PKN2: variants seen among roughly 807,000 people sequenced by gnomAD.
The protein encoded by PKN2 is protein kinase N2.
In PKN2, 38 loss-of-function variants were observed where a neutral mutation model predicts 119.1. That is an observed-to-expected ratio of 0.32 (90% CI 0.25 to 0.42). The LOEUF is 0.42. Ranked by LOEUF, PKN2 falls within the 10% of genes least tolerant of loss-of-function variation. The pLI is 1.00. For synonymous variants in PKN2, 390 were observed against 384.9 expected (o/e 1.01, Z -0.15); for missense variants, 850 against 1,165.1 (o/e 0.73, Z 3.94).
intron 7 of PKN2, 89 bp downstream of exon 7, chr1:88,784,913 T>C: frequency 1.6e-6 from 1 of 620,406 alleles, no homozygotes; most frequent in South Asian, 5.1e-5. Context: ...ACAAAACACT[T>C]TAAAATTATG....
chr1:88,796,492 A>G (rs1361477348), intron 8 of PKN2, among the ~76,000 whole-genome samples: 1 of 152,136 alleles, frequency 6.6e-6, no homozygotes, highest in African/African-American at 2.4e-5. Flanking sequence ...TTCTACTTAT[A>G]TTCTAGGCTT....
intron 1 of PKN2, among the ~76,000 whole-genome samples, chr1:88,729,323 A>G (rs576594770): frequency 3.5e-4 from 53 of 152,352 alleles, no homozygotes; most frequent in African/African-American, 1.2e-3. Flanking sequence ...GATTAGTACA[A>G]TAGCCTCTTT....
intron 17 of PKN2, among the ~76,000 whole-genome samples, chr1:88,823,971 T>C (rs1366775330): frequency 2.1e-5 from 3 of 140,438 alleles, no homozygotes; most frequent in Non-Finnish European, 4.5e-5. Context: ...ACCACGCCAT[T>C]GCACTCCAGC....
At chr1:88,717,035 A>C (rs534061290) in intron 1 of PKN2, among the ~76,000 whole-genome samples, 275 of 152,114 alleles carry the variant, frequency 1.8e-3, no homozygotes, top group African/African-American at 6.3e-3. Flanking sequence ...AAAGTATTTT[A>C]TTTCTCCTTC....
chr1:88,802,269 A>C (rs923538465), intron 8 of PKN2, among the ~76,000 whole-genome samples: 1 of 152,226 alleles, frequency 6.6e-6, no homozygotes, highest in African/African-American at 2.4e-5. Context: ...AAGCTAGCTT[A>C]AGGTCTGTGA....
At chr1:88,694,988 G>A (rs918917721) in intron 1 of PKN2, among the ~76,000 whole-genome samples, 1 of 152,116 alleles carries the variant, frequency 6.6e-6, no homozygotes, top group Non-Finnish European at 1.5e-5. Flanking sequence ...TTAGCCGGGC[G>A]TGGTGGCGGG....
intron 1 of PKN2, among the ~76,000 whole-genome samples, chr1:88,730,407 C>A (rs181543432): frequency 2.6e-5 from 4 of 152,198 alleles, no homozygotes; most frequent in Non-Finnish European, 5.9e-5. Context: ...TCTCTTTCTG[C>A]TCTGCCATCC....
chr1:88,825,565 G>C (rs1672467993), intron 18 of PKN2, among the ~76,000 whole-genome samples: 1 of 152,104 alleles, frequency 6.6e-6, no homozygotes, highest in Non-Finnish European at 1.5e-5. Context: ...CCCGTATGTA[G>C]TTATTCACAA....
At chr1:88,791,464 C>G (rs1163876698) in intron 8 of PKN2, among the ~76,000 whole-genome samples, 2 of 151,224 alleles carry the variant, frequency 1.3e-5, no homozygotes, top group African/African-American at 4.9e-5. Context: ...GTGGAGTTGC[C>G]CAGGTTTTGA....
chr1:88,829,486 G>T, intron 19 of PKN2: 1 of 188,526 alleles, frequency 5.3e-6, no homozygotes. Context: ...GAAAAAATTC[G>T]CATTTTTTCC....
intron 10 of PKN2, 80 bp downstream of exon 10, chr1:88,805,001 C>T: frequency 1.5e-6 from 1 of 667,782 alleles, no homozygotes; most frequent in Non-Finnish European, 2.6e-6. Context: ...TAATAGCCAT[C>T]TGTGTGGGTT....
At chr1:88,787,120 T>C (rs1670612203) in intron 8 of PKN2, among the ~76,000 whole-genome samples, 1 of 151,984 alleles carries the variant, frequency 6.6e-6, no homozygotes, top group Non-Finnish European at 1.5e-5. Context: ...GTAAAATACC[T>C]TGCATTGCCG....
chr1:88,699,211 G>A (rs776097542), intron 1 of PKN2, among the ~76,000 whole-genome samples: 21 of 151,670 alleles, frequency 1.4e-4, no homozygotes, highest in Admixed American at 3.9e-4. Context: ...ACTTACCTTC[G>A]TATTTCCTAT....
chr1:88,684,965 A>G lies in PKN2; in HGVS notation c.48+337A>G, dbSNP rs532039160. 20 of 257,352 alleles carry G rather than the reference A, an allele frequency of 7.8e-5. 1 individual carries two copies. The highest frequency in any genetic ancestry group is 3.8e-4 in the African/African-American group (17 of 44,276). 15.9% of individuals were successfully genotyped at this position (257,352 alleles called of 1,614,324 possible). A position where few individuals can be genotyped will look rare whatever the true frequency, so the allele number is the denominator to read the frequency against. Reference sequence around the variant, plus strand: ...CGCCCCCTCCCTCGGTGTCAGAGCTACCCGCGAACGCCCCTGTTGCCCCCT... The same window carrying G: ...CGCCCCCTCCCTCGGTGTCAGAGCTGCCCGCGAACGCCCCTGTTGCCCCCT... On this transcript the variant is annotated intron_variant, in intron 1 of 21. Transcript: ENST00000370521.
chr1:88,715,614 C>T (rs1044700907), intron 1 of PKN2, among the ~76,000 whole-genome samples: 1 of 151,364 alleles, frequency 6.6e-6, no homozygotes, highest in South Asian at 2.1e-4. Context: ...GGTGGTGATA[C>T]CTGTATTTCT....
At chr1:88,782,246 T>C (rs1670375214) in intron 6 of PKN2, among the ~76,000 whole-genome samples, 1 of 152,122 alleles carries the variant, frequency 6.6e-6, no homozygotes, top group Non-Finnish European at 1.5e-5. Context: ...TGTTTCTTGT[T>C]CACGACTTGT....
intron 1 of PKN2, among the ~76,000 whole-genome samples, chr1:88,690,894 A>G (rs551002919): frequency 6.6e-6 from 1 of 152,184 alleles, no homozygotes; most frequent in Non-Finnish European, 1.5e-5. Flanking sequence ...GTTAGGATTT[A>G]TCTCTTTTAG....
At chr1:88,825,527 A>C (rs1000482656) in intron 18 of PKN2, among the ~76,000 whole-genome samples, 2 of 152,208 alleles carry the variant, frequency 1.3e-5, no homozygotes, top group African/African-American at 4.8e-5. Context: ...GTAAGGAATT[A>C]TCTTGCGTTC....
chr1:88,816,531 G>A (rs1022893263), intron 16 of PKN2, among the ~76,000 whole-genome samples: 2 of 152,188 alleles, frequency 1.3e-5, no homozygotes, highest in African/African-American at 4.8e-5. Flanking sequence ...ACAGGCATGA[G>A]CCACCACACC....
Sources: gnomAD v4.1 joint callset for allele counts (sites outside exome capture counted in the v4.1 genomes callset) on GRCh38, gnomAD v4.1.1 for gene constraint, MANE v1.5 for transcripts, NCBI Gene and HGNC (gene_info 2026-07-23, HGNC 2026-07-21) for gene names.